The following R3HDM1 variants were observed in gnomAD, a reference collection of about 807,000 sequenced individuals.
R3HDM1 encodes R3H domain-containing protein 1.
A neutral mutation model predicts 141.1 loss-of-function variants in R3HDM1; 46 were observed. That is an observed-to-expected ratio of 0.33 (90% CI 0.26 to 0.42). The LOEUF (loss-of-function observed/expected upper bound fraction) is 0.42, where lower values mean the gene tolerates loss of function less well. R3HDM1 is among the 10% of genes least tolerant of loss of function. The pLI, the probability that R3HDM1 is intolerant of heterozygous loss-of-function variation, is 1.00. For missense variants in R3HDM1, 1,184 were observed against 1,368.3 expected (o/e 0.87, Z 2.12); for synonymous variants, 435 against 472.9 (o/e 0.92, Z 1.04).
At chr2:135,694,048 G>T (rs1428653242) in intron 21 of R3HDM1, among the ~76,000 whole-genome samples, 1 of 152,082 alleles carries the variant, frequency 6.6e-6, no homozygotes, top group South Asian at 2.1e-4. Context: ...AAAAAGGAAT[G>T]ATTCTCTAAA....
At position 135,650,689 on chromosome 2, in the gene R3HDM1, A is replaced by G. The variant is rs75121395; in HGVS notation, c.1725+686A>G. ...CACTGAATTAGGCTAATAGTGTTAA[A>G]GTGTCAAAGTGACAGTTGGGGAAGA... On this transcript the variant is annotated intron_variant, in intron 17 of 26. Transcript: ENST00000683871. 46 of 983,912 alleles carry G rather than the reference A, an allele frequency of 4.7e-5. No individual in the cohort carries two copies. The East Asian group carries it at 4.2e-3, about 90-fold the overall frequency. 60.9% of individuals were successfully genotyped at this position (983,912 alleles called of 1,614,324 possible). A position where few individuals can be genotyped will look rare whatever the true frequency, so the allele number is the denominator to read the frequency against.
At chr2:135,581,307 A>T (rs1706746350) in intron 1 of R3HDM1, 1 of 983,802 alleles carries the variant, frequency 1.0e-6, no homozygotes, top group Non-Finnish European at 1.2e-6. Context: ...GGGAACTCTC[A>T]TGCGTCCTTC....
In R3HDM1 at chr2:135,634,347, C is replaced by T. The variant is rs191026975; in HGVS notation, c.699-1543C>T. On this transcript the variant is annotated intron_variant, in intron 9 of 26. Coordinates refer to ENST00000683871, the MANE Select transcript of R3HDM1 (RefSeq NM_001378107.1). ...TTAAAATAAATGTTCAAAAGTATTACTTCGGTTCTAGGGCCAGGCGCAATG... is the reference window on the plus strand; with the variant it reads ...TTAAAATAAATGTTCAAAAGTATTATTTCGGTTCTAGGGCCAGGCGCAATG... 7.6e-4 allele frequency among the ~76,000 whole-genome samples: 115 copies of T among 152,116 alleles called. 1 individual carries two copies. Among genetic ancestry groups the T allele is most frequent in the Admixed American group, 1.6e-3 (24 of 15,278 alleles).
intron 1 of R3HDM1, chr2:135,577,035 G>T (rs1409393022): frequency 1.1e-4 from 93 of 830,262 alleles, no homozygotes; most frequent in Non-Finnish European, 1.3e-4. Flanking sequence ...ATAATTAGCT[G>T]TTACAAAAGA....
intron 1 of R3HDM1, among the ~76,000 whole-genome samples, chr2:135,571,996 G>A (rs1156343184): frequency 3.3e-5 from 3 of 91,518 alleles, no homozygotes; most frequent in African/African-American, 3.0e-4. Context: ...CAGGCACCAC[G>A]TCATCCAGGA....
chr2:135,685,795 C>T (rs2071227895), intron 21 of R3HDM1, among the ~76,000 whole-genome samples: 2 of 152,094 alleles, frequency 1.3e-5, no homozygotes, highest in African/African-American at 4.8e-5. Flanking sequence ...GCTTTGGAAT[C>T]ATAAAAACCT....
chr2:135,599,240 C>G (rs1427879859), intron 1 of R3HDM1, among the ~76,000 whole-genome samples: 1 of 152,108 alleles, frequency 6.6e-6, no homozygotes, highest in African/African-American at 2.4e-5. Context: ...TATATAAGCA[C>G]ATCTCTGACT....
In R3HDM1 at chr2:135,549,095, TAA is replaced by T. The variant is rs1197455960; in HGVS notation, c.-250+17463_-250+17464del. On this transcript the variant is annotated intron_variant, in intron 1 of 26. Coordinates refer to ENST00000683871, the MANE Select transcript of R3HDM1 (RefSeq NM_001378107.1). Reference sequence around the variant, plus strand: ...GTATTGAAACTAGAATTAACCTTTCTAACTCTTAATTGACTTTAGGTAAATAG... The same window carrying T: ...GTATTGAAACTAGAATTAACCTTTCTCTCTTAATTGACTTTAGGTAAATAG... Among the ~76,000 whole-genome samples, 3 of 152,348 alleles carry T rather than the reference TAA, an allele frequency of 2.0e-5. 1 individual carries two copies. Among genetic ancestry groups the T allele is most frequent in the Admixed American group, 1.3e-4 (2 of 15,302 alleles).
intron 1 of R3HDM1, among the ~76,000 whole-genome samples, chr2:135,539,349 C>T (rs1033813091): frequency 2.6e-5 from 4 of 152,160 alleles, no homozygotes; most frequent in African/African-American, 9.7e-5. Flanking sequence ...AGTAGGTTTA[C>T]ACCAGCATCA....
intron 7 of R3HDM1, among the ~76,000 whole-genome samples, chr2:135,629,729 T>G (rs73956770): frequency 0.093 from 14,193 of 152,180 alleles, 918 homozygotes; most frequent in South Asian, 0.31. Context: ...GGTCAGGAGA[T>G]GAGGCTGGAG....
intron 1 of R3HDM1, among the ~76,000 whole-genome samples, chr2:135,596,775 C>G (rs1206808185): frequency 6.6e-6 from 1 of 152,070 alleles, no homozygotes; most frequent in African/African-American, 2.4e-5. Flanking sequence ...GTTGTTTTTA[C>G]TTTAAAAAGA....
chr2:135,578,868 A>G (rs1387258485), intron 1 of R3HDM1, among the ~76,000 whole-genome samples: 1 of 152,212 alleles, frequency 6.6e-6, no homozygotes, highest in African/African-American at 2.4e-5. Context: ...AGATTAAGAT[A>G]GTAGGCTAGA....
chr2:135,588,050 CT>C (rs1559178130), intron 1 of R3HDM1, among the ~76,000 whole-genome samples: 1 of 151,404 alleles, frequency 6.6e-6, no homozygotes, highest in Non-Finnish European at 1.5e-5. Context: ...CTCTCTCTCT[CT>C]TTTATCTTTC....
chr2:135,622,588 T>C (rs2061617484), intron 6 of R3HDM1, 66 bp from the exon 7 acceptor site: 1 of 1,501,042 alleles, frequency 6.7e-7, no homozygotes. Context: ...ATACATCATG[T>C]GTAAAAGGGA....
chr2:135,646,222 G>A lies in R3HDM1; in HGVS notation c.1623+695G>A, dbSNP rs1297530949. On this transcript the variant is annotated intron_variant, in intron 16 of 26. Coordinates refer to ENST00000683871, the MANE Select transcript of R3HDM1 (RefSeq NM_001378107.1). ...GTGATCTTGGCTTACTGCAAGCTCC[G>A]CCTCCTGGGTTCACACCATTCTCCT... 4.7e-5 allele frequency among the ~76,000 whole-genome samples: 7 copies of A among 149,150 alleles called. No individual in the cohort carries two copies. In the East Asian group the frequency reaches 6.1e-4, roughly 13 times the overall value.
At position 135,645,523 on chromosome 2, in the gene R3HDM1, C is replaced by T. The variant is rs1324081200; in HGVS notation, c.1619C>T (p.Ser540Leu). Reference protein sequence around the residue: ...PQQPAANHIFSQPVHPLQSSS... With the variant: ...PQQPAANHIFLQPVHPLQSSS... ...CAACCAGCAGCTAATCACATTTTCT[C>T]ACAGGTGCACATATCCATGATTACA... The change falls in exon 16 of 27, where the codon TCA becomes TTA. Residue 540 changes from serine (S) to leucine (L), a missense_variant. Transcript: ENST00000683871. The T allele has an allele frequency of 3.1e-6, 5 of 1,613,608 alleles. No individual in the cohort carries two copies. Among genetic ancestry groups the T allele is most frequent in the Middle Eastern group, 1.6e-4 (1 of 6,082 alleles).
intron 6 of R3HDM1, chr2:135,622,130 G>A (rs1330221103): frequency 1.4e-5 from 14 of 982,710 alleles, no homozygotes; most frequent in South Asian, 4.7e-5. Context: ...CATTTAAGGC[G>A]AAGATAGCAT....
chr2:135,580,714 T>C (rs1339199940), intron 1 of R3HDM1, among the ~76,000 whole-genome samples: 2 of 152,222 alleles, frequency 1.3e-5, no homozygotes, highest in African/African-American at 4.8e-5. Flanking sequence ...TTCAGCTTTA[T>C]TGTTTTAAAA....
rs1010043616 is a variant in R3HDM1 at position 135,672,881 on chromosome 2, G to A, written c.2153-2451G>A. On this transcript the variant is annotated intron_variant, in intron 19 of 26. Coordinates refer to ENST00000683871, the MANE Select transcript of R3HDM1 (RefSeq NM_001378107.1). ...AGCACTTTGGGAGGCTGAGGTGGGC[G>A]GATCACCTGAAGTCTGGAGTTCAGG... Among the ~76,000 whole-genome samples the A allele has an allele frequency of 4.6e-5, 7 of 152,170 alleles. No individual in the cohort carries two copies. In the South Asian group the frequency reaches 6.2e-4, roughly 14 times the overall value.
Sources: allele counts gnomAD v4.1 joint callset (sites outside exome capture counted in the v4.1 genomes callset), GRCh38; gene constraint gnomAD v4.1.1; transcripts MANE v1.5; gene names NCBI Gene and HGNC (gene_info 2026-07-23, HGNC 2026-07-21).